The following TPM3 variants were observed in gnomAD, a reference collection of about 807,000 sequenced individuals.
TPM3 encodes the protein tropomyosin 3, also known as tropomyosin alpha-3 chain.
Under a neutral mutation model 43.1 loss-of-function variants are expected in TPM3, and 16 were observed. The ratio of observed to expected loss-of-function variants is 0.37; its 90% confidence interval spans 0.25 to 0.56. The LOEUF (loss-of-function observed/expected upper bound fraction) is 0.56. TPM3 is among the 20% of genes least tolerant of loss of function. The probability of loss-of-function intolerance (pLI) is 0.77; values close to 1 mark genes in which losing one functional copy is unlikely to be tolerated. For missense variants in TPM3, 176 were observed against 337.2 expected (o/e 0.52, Z 3.74); for synonymous variants, 101 against 116.9 (o/e 0.86, Z 0.88).
At chr1:154,158,359 A>G (rs182602486), downstream of TPM3, among the ~76,000 whole-genome samples, 13 of 152,290 alleles carry the variant, frequency 8.5e-5, no homozygotes, top group African/African-American at 1.9e-4. Context: ...TTAACATAAA[A>G]CCAGAAAAAG....
At chr1:154,174,368 G>GCATATA (rs1553249323) in intron 3 of TPM3, among the ~76,000 whole-genome samples, 1 of 46,354 alleles carries the variant, frequency 2.2e-5, no homozygotes, top group Non-Finnish European at 4.3e-5. Context: ...AAATATATGT[G>GCATATA]TATATATATA....
intron 3 of TPM3, among the ~76,000 whole-genome samples, chr1:154,175,868 T>C (rs1240414360): frequency 1.3e-5 from 2 of 152,206 alleles, no homozygotes; most frequent in East Asian, 1.9e-4. Context: ...TTATTTTTAT[T>C]GACTGATTGA....
chr1:154,166,428 T>C lies in TPM3; in HGVS notation c.*1509A>G. ...GGAGGTCACCATACTGATGCCAAATTTAGTGAGGACATCTGACCTGCATAG... is the reference window on the plus strand; with the variant it reads ...GGAGGTCACCATACTGATGCCAAATCTAGTGAGGACATCTGACCTGCATAG... On this transcript the variant is annotated 3_prime_UTR_variant, in exon 10 of 10. Coordinates refer to ENST00000651641, the MANE Select transcript of TPM3 (RefSeq NM_152263.4). The C allele has an allele frequency of 1.4e-6, 1 of 692,752 alleles. No homozygotes were observed. Among genetic ancestry groups the C allele is most frequent in the African/African-American group, 1.9e-5 (1 of 53,524 alleles). 42.9% of individuals were successfully genotyped at this position (692,752 alleles called of 1,614,324 possible).
chr1:154,176,555 AG>A (rs1662335790), intron 2 of TPM3, among the ~76,000 whole-genome samples: 1 of 150,154 alleles, frequency 6.7e-6, no homozygotes, highest in Admixed American at 6.7e-5. Flanking sequence ...AACACACTGG[AG>A]TCAGAAAAGA....
intron 2 of TPM3, among the ~76,000 whole-genome samples, chr1:154,182,280 T>C (rs928559847): frequency 6.6e-6 from 1 of 152,210 alleles, no homozygotes; most frequent in African/African-American, 2.4e-5. Context: ...AGAGAAGTAC[T>C]ATCCCCTCCC....
Position 154,191,195 on chromosome 1 carries a change from CTT to C in TPM3, c.232_233del (p.Lys78GlyfsTer3), listed in dbSNP as rs764985889. ...AQEKLELAEK[K>X]AADAEAEVAS... is the part of the protein sequence containing the mutation. Reference sequence around the variant, plus strand: ...TCTCTCTAATACTCACATCAGCAGCCTTCTTCTCTGCCAGTTCCAGCTTCTCC... The same window carrying C: ...TCTCTCTAATACTCACATCAGCAGCCCTTCTCTGCCAGTTCCAGCTTCTCC... On this transcript the variant is annotated frameshift_variant, in exon 2 of 10. Transcript: ENST00000651641. LOFTEE classifies it high-confidence loss of function. 6.2e-7 allele frequency: 1 copy of C among 1,614,016 alleles called. No individual in the cohort carries two copies. The highest frequency in any genetic ancestry group is 8.5e-7 in the Non-Finnish European group (1 of 1,180,022).
intron 2 of TPM3, among the ~76,000 whole-genome samples, chr1:154,190,500 A>G (rs1239508505): frequency 6.6e-6 from 1 of 151,746 alleles, no homozygotes; most frequent in African/African-American, 2.4e-5. Context: ...GAATGGGAAA[A>G]TTCAGCCCTA....
chr1:154,187,215 G>C (rs1242330192), intron 2 of TPM3: 1 of 739,230 alleles, frequency 1.4e-6, no homozygotes, highest in African/African-American at 2.0e-5. Context: ...TGGCCAGAGA[G>C]ATAAGAAAGC....
intron 6 of TPM3, 144 bp downstream of exon 6, chr1:154,171,269 C>T: frequency 1.2e-6 from 1 of 862,812 alleles, no homozygotes; most frequent in African/African-American, 1.7e-5. Context: ...TAGCATTAAA[C>T]CCAGAACCTG....
intron 2 of TPM3, among the ~76,000 whole-genome samples, chr1:154,177,955 C>T (rs1571425530): frequency 6.6e-6 from 1 of 152,202 alleles, no homozygotes. Flanking sequence ...ACTCAAAACA[C>T]CACAAAGACA....
At chr1:154,177,895 T>G (rs753064083) in intron 2 of TPM3, among the ~76,000 whole-genome samples, 1 of 152,058 alleles carries the variant, frequency 6.6e-6, no homozygotes, top group Non-Finnish European at 1.5e-5. Context: ...AATCGAGAAG[T>G]CAACATAAGC....
chr1:154,179,945 A>G (rs1352792560), intron 2 of TPM3, among the ~76,000 whole-genome samples: 8 of 152,218 alleles, frequency 5.3e-5, no homozygotes, highest in Non-Finnish European at 1.0e-4. Flanking sequence ...TTAAAAACAG[A>G]TAAGGTGAAC....
intron 3 of TPM3, among the ~76,000 whole-genome samples, chr1:154,174,705 G>C (rs2148251499): frequency 6.6e-6 from 1 of 151,098 alleles, no homozygotes; most frequent in South Asian, 2.1e-4. Context: ...GTGTTGGCTG[G>C]GGTGGTCTTG....
At chr1:154,169,508 G>C in intron 8 of TPM3, 125 bp from the exon 9 acceptor site, 1 of 911,140 alleles carries the variant, frequency 1.1e-6, no homozygotes, top group South Asian at 1.4e-5. Context: ...CCACAGTTAG[G>C]AAAATATCTA....
intron 2 of TPM3, among the ~76,000 whole-genome samples, chr1:154,178,509 G>C (rs1179127269): frequency 1.3e-5 from 2 of 152,164 alleles, no homozygotes; most frequent in Non-Finnish European, 1.5e-5. Context: ...TCTTTACAAT[G>C]AAACAAAAGC....
rs577776016 is a variant in TPM3 at position 154,167,888 on chromosome 1, C to T, written c.*49G>A. ...AGAGCGAGAGTGGGGCCTTGGGTTC[C>T]CCGAGGAGTAAAGGGGGCAGATCCA... On this transcript the variant is annotated 3_prime_UTR_variant, in exon 10 of 10. Transcript: ENST00000651641. 71 of 1,613,892 alleles carry T rather than the reference C, an allele frequency of 4.4e-5. No homozygotes were observed. The East Asian group carries it at 1.0e-3, about 23-fold the overall frequency.
At chr1:154,171,655 C>G (rs1413073479) in intron 5 of TPM3, 167 bp from the exon 6 acceptor site, 2 of 765,918 alleles carry the variant, frequency 2.6e-6, no homozygotes, top group Middle Eastern at 2.9e-4. Context: ...ACCCTCCTCC[C>G]TCTACCATAG....
Position 154,176,102 on chromosome 1 carries a change from C to T in TPM3, c.377+13G>A. On this transcript the variant is annotated intron_variant, in intron 3 of 9. Transcript: ENST00000651641. ...CTTTTAAAATCCACACTCCATCAGG[C>T]TTCCCTACACACCTCTCACTCTCAT... is the stretch of plus-strand genomic sequence containing the variant. The T allele has an allele frequency of 6.2e-7, 1 of 1,612,790 alleles. No homozygotes were observed. Among genetic ancestry groups the T allele is most frequent in the African/African-American group, 1.3e-5 (1 of 74,846 alleles).
intron 2 of TPM3, among the ~76,000 whole-genome samples, chr1:154,180,793 T>C (rs1432092564): frequency 6.6e-6 from 1 of 150,746 alleles, no homozygotes; most frequent in Non-Finnish European, 1.5e-5. Flanking sequence ...AGTGTGGTGG[T>C]GGATGCCTGT....
Sources: allele counts gnomAD v4.1 joint callset (sites outside exome capture counted in the v4.1 genomes callset), GRCh38; gene constraint gnomAD v4.1.1; transcripts MANE v1.5; gene names NCBI Gene and HGNC (gene_info 2026-07-23, HGNC 2026-07-21).